Variants in FHOD3 observed in about 807,000 individuals in gnomAD.
FHOD3 encodes FH1/FH2 domain-containing protein 3.
FHOD3 carries 90 observed loss-of-function variants against 173.0 expected under a neutral mutation model. The observed-to-expected ratio is 0.52, with a 90% CI of 0.44 to 0.62. The LOEUF (loss-of-function observed/expected upper bound fraction) is 0.62, where lower values mean the gene tolerates loss of function less well. Ranked by LOEUF, FHOD3 falls within the 20% of genes least tolerant of loss-of-function variation. The pLI, the probability that FHOD3 is intolerant of heterozygous loss-of-function variation, is 0.00. For synonymous variants in FHOD3, 828 were observed against 823.0 expected (o/e 1.01, Z -0.10); for missense variants, 1,945 against 2,034.7 (o/e 0.96, Z 0.85).
intron 3 of FHOD3, among the ~76,000 whole-genome samples, chr18:36,432,695 A>G (rs1254307824): frequency 1.3e-5 from 2 of 152,210 alleles, no homozygotes; most frequent in Non-Finnish European, 2.9e-5. Flanking sequence ...GTCACTGTCA[A>G]CTGCAGAGGA....
chr18:36,359,483 C>G (rs114378200), intron 2 of FHOD3, among the ~76,000 whole-genome samples: 3,166 of 152,278 alleles, frequency 0.021, 109 homozygotes, highest in African/African-American at 0.073. Context: ...GACAGAGAAG[C>G]CTGCAGCCTA....
chr18:36,746,618 A>T (rs890372233), intron 23 of FHOD3, among the ~76,000 whole-genome samples: 1 of 151,996 alleles, frequency 6.6e-6, no homozygotes, highest in African/African-American at 2.4e-5. Context: ...AAAAAAATTT[A>T]TGAGACATCT....
intron 20 of FHOD3, among the ~76,000 whole-genome samples, chr18:36,737,730 A>C (rs951749651): frequency 1.3e-5 from 2 of 152,240 alleles, no homozygotes; most frequent in Non-Finnish European, 2.9e-5. Flanking sequence ...CTTCAAGCCC[A>C]GGACCTCATC....
At chr18:36,676,705 ATAAT>A (rs1568590591) in intron 14 of FHOD3, among the ~76,000 whole-genome samples, 1 of 151,948 alleles carries the variant, frequency 6.6e-6, no homozygotes, top group Non-Finnish European at 1.5e-5. Flanking sequence ...TTGTCAATCC[ATAAT>A]CTGATAGGTG....
At chr18:36,353,571 T>G (rs9963488) in intron 1 of FHOD3, among the ~76,000 whole-genome samples, 17,404 of 152,214 alleles carry the variant, frequency 0.11, 3,309 homozygotes, top group African/African-American at 0.39. Context: ...TCCCCTAGCT[T>G]TCATTTTGGA....
intron 15 of FHOD3, among the ~76,000 whole-genome samples, chr18:36,685,837 G>A (rs1467817788): frequency 6.6e-6 from 1 of 152,136 alleles, no homozygotes; most frequent in Non-Finnish European, 1.5e-5. Flanking sequence ...ATTCAATTTG[G>A]AACCTAACCA....
chr18:36,333,089 C>A (rs556123232), intron 1 of FHOD3, among the ~76,000 whole-genome samples: 1 of 152,352 alleles, frequency 6.6e-6, no homozygotes, highest in Admixed American at 6.5e-5. Context: ...CCAATGGCAG[C>A]CTCAAACTTA....
At chr18:36,356,861 T>C (rs2046385431) in intron 2 of FHOD3, among the ~76,000 whole-genome samples, 1 of 152,148 alleles carries the variant, frequency 6.6e-6, no homozygotes, top group African/African-American at 2.4e-5. Flanking sequence ...GGTCTTGAAC[T>C]GCTGAACTCA....
intron 3 of FHOD3, among the ~76,000 whole-genome samples, chr18:36,411,924 C>T (rs1485010679): frequency 6.6e-6 from 1 of 152,228 alleles, no homozygotes; most frequent in African/African-American, 2.4e-5. Flanking sequence ...ATGGCGCCTC[C>T]CTTGGCCTTT....
intron 7 of FHOD3, among the ~76,000 whole-genome samples, chr18:36,599,826 T>C (rs1020996189): frequency 2.0e-5 from 3 of 152,098 alleles, no homozygotes; most frequent in African/African-American, 7.2e-5. Context: ...GATATTTGAG[T>C]ATCTATCATG....
chr18:36,701,081 C>T (rs1054686144), intron 17 of FHOD3, among the ~76,000 whole-genome samples: 1 of 152,198 alleles, frequency 6.6e-6, no homozygotes, highest in African/African-American at 2.4e-5. Context: ...CTTTGTTATT[C>T]CCAGTGCTTG....
chr18:36,562,849 T>A (rs2058136767), intron 5 of FHOD3, among the ~76,000 whole-genome samples: 1 of 152,200 alleles, frequency 6.6e-6, no homozygotes, highest in Admixed American at 6.5e-5. Context: ...TCTACTCACA[T>A]GCCCAGGTCA....
At position 36,780,203 on chromosome 18, in the gene FHOD3, T is replaced by G; in HGVS notation, c.*673T>G. On this transcript the variant is annotated 3_prime_UTR_variant, in exon 29 of 29. Transcript: ENST00000590592. ...GATCCTTTGGGCTGTATTTTGTTAATAGAGTGAGTAACATCAACAGTGTGC... is the reference window on the plus strand; with the variant it reads ...GATCCTTTGGGCTGTATTTTGTTAAGAGAGTGAGTAACATCAACAGTGTGC... 8.1e-7 allele frequency: 1 copy of G among 1,231,646 alleles called. No individual in the cohort carries two copies. Among genetic ancestry groups the G allele is most frequent in the Non-Finnish European group, 1.0e-6 (1 of 987,872 alleles). The allele number at this position is 1,231,646 out of a possible 1,614,324, so 76.3% of individuals were successfully genotyped here.
At chr18:36,701,728 A>C (rs995590297) in intron 17 of FHOD3, among the ~76,000 whole-genome samples, 1 of 152,200 alleles carries the variant, frequency 6.6e-6, no homozygotes, top group Non-Finnish European at 1.5e-5. Context: ...ACAGCCCATG[A>C]ATGCAATCCC....
Position 36,728,705 on chromosome 18 carries a change from G to A in FHOD3, c.3418-1941G>A, listed in dbSNP as rs563148263. Among the ~76,000 whole-genome samples, 58 of 152,230 alleles carry A rather than the reference G, an allele frequency of 3.8e-4. 1 individual carries two copies. Among genetic ancestry groups the A allele is most frequent in the African/African-American group, 1.2e-3 (51 of 41,534 alleles). On this transcript the variant is annotated intron_variant, in intron 19 of 28. Transcript: ENST00000590592. ...GAGGTTCCAGGAGGACTTAAGCTGG[G>A]CTTGAGCCTGTTTCTCCTCGATGCC...
At chr18:36,696,072 G>A (rs1209767518) in intron 17 of FHOD3, among the ~76,000 whole-genome samples, 1 of 152,172 alleles carries the variant, frequency 6.6e-6, no homozygotes. Flanking sequence ...TTTTTGTAGT[G>A]CTGTGCCCCT....
chr18:36,541,678 CAGGA>C (rs1336383194), intron 5 of FHOD3, among the ~76,000 whole-genome samples: 5 of 152,082 alleles, frequency 3.3e-5, no homozygotes, highest in African/African-American at 1.2e-4. Context: ...AGAATGAGCC[CAGGA>C]CGTTAGGATA....
intron 10 of FHOD3, among the ~76,000 whole-genome samples, chr18:36,634,493 G>T (rs2034736285): frequency 6.6e-6 from 1 of 152,164 alleles, no homozygotes; most frequent in Non-Finnish European, 1.5e-5. Flanking sequence ...TAGTAGAGCA[G>T]CCCTATCTCT....
chr18:36,365,816 A>G (rs1255314444), intron 2 of FHOD3, among the ~76,000 whole-genome samples: 1 of 152,180 alleles, frequency 6.6e-6, no homozygotes, highest in Non-Finnish European at 1.5e-5. Flanking sequence ...GCGGAAGTTG[A>G]CTGAGAAAGT....
Sources: allele counts gnomAD v4.1 joint callset (sites outside exome capture counted in the v4.1 genomes callset), GRCh38; gene constraint gnomAD v4.1.1; transcripts MANE v1.5; gene names NCBI Gene and HGNC (gene_info 2026-07-23, HGNC 2026-07-21).